PKP1: variants seen among roughly 807,000 people sequenced by gnomAD.
The protein encoded by PKP1 is plakophilin 1.
In PKP1, 27 loss-of-function variants were observed where a neutral mutation model predicts 76.4. That is an observed-to-expected ratio of 0.35 (90% CI 0.26 to 0.49). PKP1 has a LOEUF of 0.49. PKP1 is among the 20% of genes least tolerant of loss of function. The pLI, the probability that PKP1 is intolerant of heterozygous loss-of-function variation, is 0.99. For missense variants in PKP1, 964 were observed against 955.2 expected (o/e 1.01, Z -0.12); for synonymous variants, 404 against 384.2 (o/e 1.05, Z -0.60).
At chr1:201,316,770 A>G in intron 4 of PKP1, 73 bp downstream of exon 4, 1 of 1,559,772 alleles carries the variant, frequency 6.4e-7, no homozygotes, top group Middle Eastern at 2.2e-4. Flanking sequence ...CTCCGCTTTT[A>G]GAGATGGGTG....
chr1:201,304,898 A>G (rs539259793), intron 2 of PKP1, among the ~76,000 whole-genome samples: 1 of 152,366 alleles, frequency 6.6e-6, no homozygotes, highest in South Asian at 2.1e-4. Flanking sequence ...CACAAACAGA[A>G]CAAAGCTGCT....
intron 1 of PKP1, among the ~76,000 whole-genome samples, chr1:201,292,490 G>A (rs1380678127): frequency 6.6e-6 from 1 of 152,198 alleles, no homozygotes; most frequent in East Asian, 1.9e-4. Flanking sequence ...TCTCTGCTGT[G>A]GGCTATGGGT....
chr1:201,315,368 A>T (rs1223036584), intron 3 of PKP1, among the ~76,000 whole-genome samples: 1 of 152,210 alleles, frequency 6.6e-6, no homozygotes, highest in Non-Finnish European at 1.5e-5. Flanking sequence ...CTATAGCTAA[A>T]ACCATGGGTA....
At chr1:201,314,440 C>T (rs1656664885) in intron 3 of PKP1, among the ~76,000 whole-genome samples, 1 of 152,132 alleles carries the variant, frequency 6.6e-6, no homozygotes, top group Admixed American at 6.5e-5. Context: ...CCAGCCTGGG[C>T]AACAGAGTGA....
At chr1:201,284,520 G>A (rs1280504102) in intron 1 of PKP1, among the ~76,000 whole-genome samples, 1 of 152,182 alleles carries the variant, frequency 6.6e-6, no homozygotes, top group Admixed American at 6.5e-5. Flanking sequence ...GCTGCGGGAC[G>A]GGAAAGTGGC....
chr1:201,292,993 C>T (rs1375803970), intron 1 of PKP1, among the ~76,000 whole-genome samples: 3 of 152,126 alleles, frequency 2.0e-5, no homozygotes. Flanking sequence ...GAAAGGGCTT[C>T]CTGGAGTGGG....
At chr1:201,307,975 C>T (rs762895442) in intron 2 of PKP1, among the ~76,000 whole-genome samples, 3 of 152,256 alleles carry the variant, frequency 2.0e-5, no homozygotes, top group Non-Finnish European at 2.9e-5. Flanking sequence ...CCGGTTTGGC[C>T]GGCCCCACCC....
intron 2 of PKP1, among the ~76,000 whole-genome samples, chr1:201,296,768 C>T (rs1656089290): frequency 6.6e-6 from 1 of 152,162 alleles, no homozygotes; most frequent in South Asian, 2.1e-4. Context: ...TCTAGAACCC[C>T]TAAAAGTTCA....
chr1:201,295,189 G>A (rs1656037260), intron 2 of PKP1, among the ~76,000 whole-genome samples: 1 of 152,088 alleles, frequency 6.6e-6, no homozygotes, highest in Admixed American at 6.6e-5. Context: ...TGGGTCCTGG[G>A]GAGAGGAGAG....
Position 201,283,921 on chromosome 1 carries a change from C to T in PKP1, c.202+17C>T, listed in dbSNP as rs201819131. The T allele has an allele frequency of 6.2e-7, 1 of 1,610,694 alleles. No homozygotes were observed. The highest frequency in any genetic ancestry group is 1.3e-5 in the African/African-American group (1 of 74,860). The stretch of plus-strand genomic sequence containing the variant: ...CCAATCGAGGTAAAGGCTCGGCCCC[C>T]GCGTGGTCCGTGCGCCCCTTTCCAG... On this transcript the variant is annotated intron_variant, in intron 1 of 13. Transcript: ENST00000367324.
intron 2 of PKP1, among the ~76,000 whole-genome samples, chr1:201,296,915 A>C (rs1367255415): frequency 2.6e-5 from 4 of 152,334 alleles, no homozygotes; most frequent in Admixed American, 2.6e-4. Context: ...CTAGTTCTAA[A>C]TATCAAACCA....
chr1:201,314,175 G>T (rs1656655543), intron 3 of PKP1, among the ~76,000 whole-genome samples: 1 of 152,206 alleles, frequency 6.6e-6, no homozygotes, highest in Non-Finnish European at 1.5e-5. Context: ...GACATGGCCT[G>T]GGTGTGGTGG....
At chr1:201,298,224 T>C (rs542215404) in intron 2 of PKP1, among the ~76,000 whole-genome samples, 1 of 152,300 alleles carries the variant, frequency 6.6e-6, no homozygotes, top group East Asian at 1.9e-4. Context: ...TATCTTCCTC[T>C]GGGTCAGCAA....
At chr1:201,293,807 C>T (rs1205626003) in intron 1 of PKP1, 135 bp from the exon 2 acceptor site, 1 of 708,198 alleles carries the variant, frequency 1.4e-6, no homozygotes, top group Non-Finnish European at 2.6e-6. Context: ...ACATTCCCCA[C>T]CTTCTCCTCC....
intron 6 of PKP1, chr1:201,320,015 C>A (rs1351022421): frequency 1.5e-5 from 14 of 920,386 alleles, no homozygotes; most frequent in Non-Finnish European, 2.1e-5. Context: ...CAGGGCCAGG[C>A]GGAATTGGCT....
chr1:201,294,162 A>G (rs1269335359), intron 2 of PKP1, 117 bp downstream of exon 2: 1 of 746,934 alleles, frequency 1.3e-6, no homozygotes, highest in Non-Finnish European at 2.4e-6. Flanking sequence ...TTGGTCCGTG[A>G]GTTGAGGCTC....
In PKP1 at chr1:201,303,328, A is replaced by C. The variant is rs183348044; in HGVS notation, c.306+9283A>C. On this transcript the variant is annotated intron_variant, in intron 2 of 13. Transcript: ENST00000367324. ...CCAGTTTTAGAGATGGGGTCTCACT[A>C]TGTTGCCCAGGCTGGTCTTGAACTC... Among the ~76,000 whole-genome samples, 25 of 152,182 alleles carry C rather than the reference A, an allele frequency of 1.6e-4. No individual in the cohort carries two copies. The East Asian group carries it at 1.7e-3, about 11-fold the overall frequency.
In PKP1 at chr1:201,313,168, C is replaced by G; in HGVS notation, c.309C>G (p.Ile103Met). Residue 103 changes from isoleucine (I) to methionine (M), a missense_variant and splice_region_variant, in exon 3 of 14, where the codon ATC (isoleucine) becomes ATG (methionine). Transcript: ENST00000367324. Reference protein sequence around the residue: ...QAGNGSWGYPIYNGTLKREPD... With the variant: ...QAGNGSWGYPMYNGTLKREPD... ...CTTTTCTCCCTTTCCCTGGCCAGAT[C>G]TACAATGGAACCCTCAAGCGGGAGC... The G allele has an allele frequency of 1.2e-6, 2 of 1,610,176 alleles. No individual in the cohort carries two copies. The highest frequency in any genetic ancestry group is 2.2e-5 in the South Asian group (2 of 90,314).
intron 12 of PKP1, among the ~76,000 whole-genome samples, chr1:201,328,132 G>A (rs1657206520): frequency 6.6e-6 from 1 of 152,266 alleles, no homozygotes; most frequent in Middle Eastern, 3.4e-3. Context: ...TTGGCCTATT[G>A]CTGCATTCAA....
Sources: allele counts gnomAD v4.1 joint callset (sites outside exome capture counted in the v4.1 genomes callset), GRCh38; gene constraint gnomAD v4.1.1; transcripts MANE v1.5; gene names NCBI Gene and HGNC (gene_info 2026-07-23, HGNC 2026-07-21).